The following GKN2 variants were observed in gnomAD, a reference collection of about 807,000 sequenced individuals.
GKN2 encodes the protein gastrokine-2.
A neutral mutation model predicts 22.7 loss-of-function variants in GKN2; 17 were observed. The observed-to-expected ratio is 0.75, with a 90% CI of 0.51 to 1.13. The LOEUF is 1.13. GKN2 is among the 50% of genes most tolerant of loss of function. GKN2 has a pLI of 0.00. For missense variants in GKN2, 248 were observed against 221.4 expected (o/e 1.12, Z -0.76); for synonymous variants, 82 against 79.6 (o/e 1.03, Z -0.16).
chr2:68,946,995 TA>T (rs1669780582), intron 4 of GKN2, 151 bp downstream of exon 4: 11 of 570,884 alleles, frequency 1.9e-5, no homozygotes, highest in Admixed American at 6.0e-5. Context: ...AAAATAAAAG[TA>T]AAAACACTTT....
chr2:68,946,536 A>T, intron 4 of GKN2, 76 bp from the exon 5 acceptor site: 1 of 1,246,236 alleles, frequency 8.0e-7, no homozygotes, highest in Non-Finnish European at 1.1e-6. Flanking sequence ...AAATTGTGAC[A>T]ATTTTTCTCT....
rs192042956 is a variant in GKN2, at chr2:68,951,881, C to T, written c.12+969G>A. Reference sequence around the variant, plus strand: ...CCCCAAAATGATCTCCCTTCCAACACTGTGGTTAATACACCATGGTTATAT... The same window carrying T: ...CCCCAAAATGATCTCCCTTCCAACATTGTGGTTAATACACCATGGTTATAT... On this transcript the variant is annotated intron_variant, in intron 1 of 5. Coordinates refer to ENST00000328895, the MANE Select transcript of GKN2 (RefSeq NM_182536.3). Among the ~76,000 whole-genome samples, 6 of 152,356 alleles carry T rather than the reference C, an allele frequency of 3.9e-5. No homozygotes were observed. The South Asian group carries it at 1.2e-3, about 32-fold the overall frequency.
At chr2:68,952,681 A>T (rs1669875716) in intron 1 of GKN2, among the ~76,000 whole-genome samples, 169 bp downstream of exon 1, 1 of 152,234 alleles carries the variant, frequency 6.6e-6, no homozygotes, top group Non-Finnish European at 1.5e-5. Flanking sequence ...AAAAAAAGTC[A>T]GACTTATTCA....
intron 4 of GKN2, 110 bp downstream of exon 4, chr2:68,947,037 A>G: frequency 1.5e-6 from 1 of 674,920 alleles, no homozygotes; most frequent in Non-Finnish European, 2.7e-6. Flanking sequence ...TATCACATTT[A>G]TGGTAAGGCA....
In GKN2 at chr2:68,946,293, T is replaced by C. The variant is rs911239941; in HGVS notation, c.472+11A>G. On this transcript the variant is annotated intron_variant, in intron 5 of 5. Transcript: ENST00000328895. ...AAATATTTGGTGAGTGAATGACTTA[T>C]TGGTACTCACGTGTGTTTTCAACCA... 2.5e-6 allele frequency: 4 copies of C among 1,596,484 alleles called. No homozygotes were observed. In the Admixed American group the frequency reaches 7.2e-5, roughly 29 times the overall value.
rs112006407 is a variant in GKN2 at position 68,947,073 on chromosome 2, C to T, written c.315+74G>A. On this transcript the variant is annotated intron_variant, in intron 4 of 5. Coordinates refer to ENST00000328895, the MANE Select transcript of GKN2 (RefSeq NM_182536.3). ...TGATAGTATGATCTTCTCCCTCACA[C>T]TCTTCATTTCTCCATAAATACCAGT... 4.0e-5 allele frequency: 36 copies of T among 889,160 alleles called. No homozygotes were observed. The Middle Eastern group carries it at 1.1e-3, about 26-fold the overall frequency. 55.1% of individuals were successfully genotyped at this position (889,160 alleles called of 1,614,324 possible).
chr2:68,950,615 C>T (rs1669841251), intron 2 of GKN2, 87 bp downstream of exon 2: 4 of 1,151,666 alleles, frequency 3.5e-6, no homozygotes, highest in Non-Finnish European at 5.2e-6. Flanking sequence ...AGGCATATGG[C>T]CTCTCTACTG....
intron 1 of GKN2, 94 bp downstream of exon 1, chr2:68,952,756 G>A: frequency 2.3e-6 from 3 of 1,293,332 alleles, no homozygotes; most frequent in South Asian, 1.3e-5. Flanking sequence ...CACAGTATCT[G>A]TCTAAGACTC....
chr2:68,950,451 A>G (rs1479611331), intron 2 of GKN2, among the ~76,000 whole-genome samples, 188 bp from the exon 3 acceptor site: 1 of 152,228 alleles, frequency 6.6e-6, no homozygotes, highest in Non-Finnish European at 1.5e-5. Flanking sequence ...AGTTTACTAT[A>G]TTATATATGG....
At chr2:68,949,183 A>G (rs770017764) in intron 3 of GKN2, among the ~76,000 whole-genome samples, 10 of 152,208 alleles carry the variant, frequency 6.6e-5, no homozygotes, top group Non-Finnish European at 1.3e-4. Flanking sequence ...AAATGAATAA[A>G]TAACTGATGA....
chr2:68,945,409 C>T lies in GKN2; in HGVS notation c.514G>A (p.Gly172Ser), dbSNP rs754890289. ...GCACAGATTGAAATTCCCAAGATGC[C>T]CAGGAGCCCAGCCTTTGCACAGCCT... The part of the protein sequence containing the change: ...AGGCAKAGLL[G>S]ILGISICADI... Residue 172 changes from glycine to serine, a missense_variant, in exon 6 of 6, where the codon GGC becomes AGC. Physicochemically the swap from Gly to Ser is moderately conservative, Grantham distance 56. Coordinates refer to ENST00000328895, the MANE Select transcript of GKN2 (RefSeq NM_182536.3). 12 of 1,611,484 alleles carry T rather than the reference C, an allele frequency of 7.4e-6. No individual in the cohort carries two copies. In the South Asian group the frequency reaches 9.9e-5, roughly 13 times the overall value.
chr2:68,946,964 CT>C (rs1402521978), intron 4 of GKN2, among the ~76,000 whole-genome samples, 182 bp downstream of exon 4: 6 of 152,252 alleles, frequency 3.9e-5, no homozygotes, highest in Admixed American at 3.9e-4. Flanking sequence ...CTAAGATTTG[CT>C]CCTGCTCTTA....
rs1669836068 is a variant in GKN2 at position 68,950,228 on chromosome 2, G to T, written c.102C>A (p.Gly34=). 5 of 1,613,328 alleles carry T rather than the reference G, an allele frequency of 3.1e-6. No individual in the cohort carries two copies. The highest frequency in any genetic ancestry group is 4.2e-6 in the Non-Finnish European group (5 of 1,179,526). ...FNIISPSNNG[G]NVQETVTIDN... is the part of the protein sequence containing the mutation. ...CAATTGTCACTGTCTCCTGAACATT[G>T]CCACCATTGTTGCTTGGGCTGATGA... The change falls in exon 3 of 6, where the codon GGC becomes GGA. Residue 34 remains glycine, a synonymous_variant. Coordinates refer to ENST00000328895, the MANE Select transcript of GKN2 (RefSeq NM_182536.3).
chr2:68,947,136 C>T lies in GKN2; in HGVS notation c.315+11G>A. The T allele has an allele frequency of 1.3e-6, 2 of 1,530,110 alleles. No individual in the cohort carries two copies. The highest frequency in any genetic ancestry group is 1.8e-6 in the Non-Finnish European group (2 of 1,103,300). 94.8% of individuals were successfully genotyped at this position (1,530,110 alleles called of 1,614,324 possible). ...AAGAACAGAGAATACTCAAGAGTGC[C>T]CCAGAATTACCTGTTTCTCATAGAT... On this transcript the variant is annotated intron_variant, in intron 4 of 5. Transcript: ENST00000328895.
chr2:68,948,806 T>C (rs2103891515), intron 3 of GKN2, among the ~76,000 whole-genome samples: 1 of 152,318 alleles, frequency 6.6e-6, no homozygotes, highest in South Asian at 2.1e-4. Context: ...AATTGTCAGT[T>C]CCTAAAATTC....
At chr2:68,950,309 A>C in intron 2 of GKN2, 46 bp from the exon 3 acceptor site, 2 of 1,555,854 alleles carry the variant, frequency 1.3e-6, no homozygotes, top group Non-Finnish European at 1.7e-6. Context: ...AATCTTATAT[A>C]TTTGAAAGGC....
rs1322483711 is a variant in GKN2 at position 68,946,296 on chromosome 2, G to A, written c.472+8C>T. 16 of 1,601,252 alleles carry A rather than the reference G, an allele frequency of 1.0e-5. No homozygotes were observed. The highest frequency in any genetic ancestry group is 1.4e-5 in the Non-Finnish European group (16 of 1,175,380). On this transcript the variant is annotated splice_region_variant and intron_variant, in intron 5 of 5. Transcript: ENST00000328895. ...TATTTGGTGAGTGAATGACTTATTG[G>A]TACTCACGTGTGTTTTCAACCACTT... is the stretch of plus-strand genomic sequence containing the variant.
At position 68,950,206 on chromosome 2, in the gene GKN2, T is replaced by C; in HGVS notation, c.124A>G (p.Ile42Val). The C allele has an allele frequency of 2.5e-6, 4 of 1,613,942 alleles. No individual in the cohort carries two copies. Among genetic ancestry groups the C allele is most frequent in the East Asian group, 2.2e-5 (1 of 44,866 alleles). ...NGGNVQETVTIDNEKNTAIIN... is the reference protein window; with the variant it reads ...NGGNVQETVTVDNEKNTAIIN... ...ATGGCGGTATTTTTTTCATTATCAATTGTCACTGTCTCCTGAACATTGCCA... is the reference window on the plus strand; with the variant it reads ...ATGGCGGTATTTTTTTCATTATCAACTGTCACTGTCTCCTGAACATTGCCA... The change falls in exon 3 of 6, where the codon ATT becomes GTT. Residue 42 changes from isoleucine to valine, a missense_variant. Transcript: ENST00000328895.
chr2:68,948,866 A>G (rs965802369), intron 3 of GKN2, among the ~76,000 whole-genome samples: 11 of 152,252 alleles, frequency 7.2e-5, no homozygotes, highest in Non-Finnish European at 1.6e-4. Flanking sequence ...AGCTTAAAGC[A>G]AATCCTCACT....
Sources: gnomAD v4.1 joint callset for allele counts (sites outside exome capture counted in the v4.1 genomes callset) on GRCh38, gnomAD v4.1.1 for gene constraint, MANE v1.5 for transcripts, NCBI Gene and HGNC (gene_info 2026-07-23, HGNC 2026-07-21) for gene names.